CSMD1: variants seen among roughly 807,000 people sequenced by gnomAD.
CSMD1 encodes CUB and sushi domain-containing protein 1.
Under a neutral mutation model 417.5 loss-of-function variants are expected in CSMD1, and 213 were observed. That is an observed-to-expected ratio of 0.51 (90% CI 0.46 to 0.57). CSMD1 has a LOEUF of 0.57. Among genes scored for constraint, CSMD1 ranks in the 20% least tolerant of loss-of-function variants. The pLI, the probability that CSMD1 is intolerant of heterozygous loss-of-function variation, is 0.00. For synonymous variants in CSMD1, 2,862 were observed against 1,736.8 expected, an observed-to-expected ratio of 1.65 and a Z score of -16.11; for missense variants, 6,923 against 4,529.7, an observed-to-expected ratio of 1.53 and a Z score of -15.17.
intron 3 of CSMD1, among the ~76,000 whole-genome samples, chr8:4,276,201 G>C (rs771290344): frequency 8.5e-5 from 13 of 152,112 alleles, no homozygotes; most frequent in Admixed American, 3.3e-4. Flanking sequence ...GTTCACAATA[G>C]CAAAGACCTG....
intron 2 of CSMD1, among the ~76,000 whole-genome samples, chr8:4,574,161 G>A (rs867549938): frequency 7.9e-6 from 1 of 127,312 alleles, no homozygotes; most frequent in African/African-American, 2.6e-5. Context: ...TCCAGGAGAC[G>A]CTGGGGTCCA....
intron 14 of CSMD1, 54 bp downstream of exon 14, chr8:3,407,845 G>T (rs944521130): frequency 9.0e-6 from 13 of 1,451,498 alleles, no homozygotes; most frequent in South Asian, 1.4e-5. Flanking sequence ...AGCAAAATGG[G>T]AACATGTAAG....
intron 5 of CSMD1, among the ~76,000 whole-genome samples, chr8:3,912,403 G>C (rs1007288763): frequency 6.6e-6 from 1 of 152,080 alleles, no homozygotes; most frequent in Non-Finnish European, 1.5e-5. Context: ...TTGGGTGCAG[G>C]GACAAATAGG....
intron 1 of CSMD1, among the ~76,000 whole-genome samples, chr8:4,719,997 C>G (rs7008101): frequency 4.2e-4 from 64 of 152,088 alleles, no homozygotes; most frequent in African/African-American, 1.4e-3. Context: ...ATCAGTCATT[C>G]TCACCAAGTT....
chr8:3,285,171 G>A (rs777288259), intron 25 of CSMD1, among the ~76,000 whole-genome samples: 1 of 152,146 alleles, frequency 6.6e-6, no homozygotes, highest in Non-Finnish European at 1.5e-5. Flanking sequence ...GGGAGGTAAA[G>A]TCACAGTGGA....
chr8:2,983,712 T>C (rs1026769845), intron 54 of CSMD1, among the ~76,000 whole-genome samples: 3 of 152,180 alleles, frequency 2.0e-5, no homozygotes, highest in African/African-American at 4.8e-5. Flanking sequence ...GCACAATAGT[T>C]TTTAAAGAAA....
At chr8:4,336,958 G>A (rs550948763) in intron 3 of CSMD1, among the ~76,000 whole-genome samples, 9 of 152,134 alleles carry the variant, frequency 5.9e-5, no homozygotes, top group Admixed American at 3.9e-4. Context: ...TTGAAATGGA[G>A]CAAACCCTCA....
At chr8:4,361,380 C>G (rs1002863427) in intron 3 of CSMD1, among the ~76,000 whole-genome samples, 4 of 129,594 alleles carry the variant, frequency 3.1e-5, no homozygotes, top group East Asian at 4.2e-4. Context: ...TTAATGTAGC[C>G]TCATGAAGGG....
At chr8:4,971,746 C>G (rs545711696) in intron 1 of CSMD1, among the ~76,000 whole-genome samples, 59 of 150,862 alleles carry the variant, frequency 3.9e-4, no homozygotes, top group South Asian at 3.3e-3. Flanking sequence ...TAAATATTAC[C>G]AACTTTTATG....
chr8:4,925,537 C>CTTTTTTTTTTTTT (rs113682113), intron 1 of CSMD1, among the ~76,000 whole-genome samples: 3 of 145,906 alleles, frequency 2.1e-5, no homozygotes, highest in Non-Finnish European at 3.0e-5. Context: ...CTGGCATTTT[C>CTTTTTTTTTTTTT]TTTTTTTTTT....
chr8:4,515,447 G>C (rs928794021), intron 2 of CSMD1, among the ~76,000 whole-genome samples: 6 of 152,106 alleles, frequency 3.9e-5, no homozygotes, highest in Non-Finnish European at 7.3e-5. Flanking sequence ...TTTCAGAGGA[G>C]AGTTAATATC....
At chr8:3,433,431 A>T (rs745593825) in intron 12 of CSMD1, among the ~76,000 whole-genome samples, 6 of 152,122 alleles carry the variant, frequency 3.9e-5, no homozygotes, top group Non-Finnish European at 8.8e-5. Flanking sequence ...CTTTGCTCCT[A>T]AATTAAATAT....
At chr8:3,726,256 C>T (rs13255507) in intron 6 of CSMD1, among the ~76,000 whole-genome samples, 109,700 of 151,982 alleles carry the variant, frequency 0.72, 40,152 homozygotes, top group South Asian at 0.81. Context: ...TGGGAAAGAA[C>T]AGCCCAGCTA....
intron 2 of CSMD1, among the ~76,000 whole-genome samples, chr8:4,508,040 C>G (rs970542274): frequency 6.7e-6 from 1 of 149,366 alleles, no homozygotes; most frequent in Non-Finnish European, 1.5e-5. Context: ...TAAAATTGTC[C>G]CTATTAAATG....
intron 1 of CSMD1, among the ~76,000 whole-genome samples, chr8:4,706,305 T>C (rs1036583261): frequency 4.6e-5 from 7 of 152,062 alleles, no homozygotes; most frequent in Non-Finnish European, 8.8e-5. Flanking sequence ...ATGTACCCCA[T>C]GAAATAAGAA....
At position 3,387,574 on chromosome 8, in the gene CSMD1, G is replaced by C. The variant is rs114188379; in HGVS notation, c.2702C>G (p.Pro901Arg). The change falls in exon 18 of 70, where the codon CCG becomes CGG. Residue 901 changes from proline to arginine, a missense_variant. Physicochemically the swap from Pro to Arg is moderately radical, Grantham distance 103 (BLOSUM62 -2). Coordinates refer to ENST00000635120, the MANE Select transcript of CSMD1 (RefSeq NM_033225.6). ...CTCGTCGTCACTTAGTGTGTACCCC[G>C]GGTCACAGCTGAAAGTCACTGTGGA... is the stretch of plus-strand genomic sequence containing the variant. Reference protein sequence around the residue: ...IRSTVTFSCDPGYTLSDDEPL... With the variant: ...IRSTVTFSCDRGYTLSDDEPL... The C allele has an allele frequency of 3.7e-6, 6 of 1,601,014 alleles. No homozygotes were observed. The highest frequency in any genetic ancestry group is 3.4e-5 in the Admixed American group (2 of 58,256).
intron 1 of CSMD1, among the ~76,000 whole-genome samples, chr8:4,677,462 A>G (rs1160649109): frequency 6.6e-6 from 1 of 152,018 alleles, no homozygotes; most frequent in Non-Finnish European, 1.5e-5. Context: ...ACACACTACA[A>G]TTTATATAGT....
intron 12 of CSMD1, among the ~76,000 whole-genome samples, chr8:3,411,734 A>ACG (rs1179559827): frequency 3.8e-5 from 5 of 133,142 alleles, no homozygotes; most frequent in African/African-American, 1.4e-4. Flanking sequence ...ACATATATAC[A>ACG]CGTGTATATA....
chr8:4,732,312 C>A (rs1407082425), intron 1 of CSMD1, among the ~76,000 whole-genome samples: 1 of 150,598 alleles, frequency 6.6e-6, no homozygotes, highest in African/African-American at 2.5e-5. Flanking sequence ...AATTAAGACA[C>A]CTGAAGAGTT....
Sources: allele counts gnomAD v4.1 joint callset (sites outside exome capture counted in the v4.1 genomes callset), GRCh38; gene constraint gnomAD v4.1.1; transcripts MANE v1.5; gene names NCBI Gene and HGNC (gene_info 2026-07-23, HGNC 2026-07-21).